The following IL2RA variants were observed in gnomAD, a reference collection of about 807,000 sequenced individuals.
IL2RA encodes interleukin-2 receptor subunit alpha.
In IL2RA, 24 loss-of-function variants were observed where a neutral mutation model predicts 37.8. The ratio of observed to expected loss-of-function variants is 0.63; its 90% CI spans 0.46 to 0.89. The LOEUF (loss-of-function observed/expected upper bound fraction) is 0.89, where lower values mean the gene tolerates loss of function less well. Among genes scored for constraint, IL2RA ranks in the 40% least tolerant of loss-of-function variants. IL2RA has a pLI of 0.00. For missense variants in IL2RA, 319 were observed against 348.6 expected (o/e 0.92, Z 0.68); for synonymous variants, 125 against 114.6 (o/e 1.09, Z -0.58).
intron 1 of IL2RA, among the ~76,000 whole-genome samples, chr10:6,034,442 ATT>A (rs12722530): frequency 6.7e-6 from 1 of 149,976 alleles, no homozygotes. Flanking sequence ...TAAATTTGGG[ATT>A]TTTTTTTTAG....
intron 1 of IL2RA, among the ~76,000 whole-genome samples, chr10:6,034,109 G>A (rs1839642745): frequency 6.6e-6 from 1 of 152,178 alleles, no homozygotes; most frequent in African/African-American, 2.4e-5. Context: ...TTCCATGAGA[G>A]TGCGTTTTTC....
chr10:6,049,718 C>T (rs1211544358), intron 1 of IL2RA, among the ~76,000 whole-genome samples: 2 of 152,250 alleles, frequency 1.3e-5, no homozygotes, highest in Admixed American at 1.3e-4. Flanking sequence ...CTCCCACCAC[C>T]TTGCTAGTGC....
Position 6,022,419 on chromosome 10 carries a change from G to A in IL2RA, c.368-726C>T, listed in dbSNP as rs1212752966. ...GACCTGTGGCCTGAGACCATGTCTTGTTCTGATTAAATCTCTGAATTCCCC... is the reference window on the plus strand; with the variant it reads ...GACCTGTGGCCTGAGACCATGTCTTATTCTGATTAAATCTCTGAATTCCCC... On this transcript the variant is annotated intron_variant, in intron 3 of 7. Coordinates refer to ENST00000379959, the MANE Select transcript of IL2RA (RefSeq NM_000417.3). This position sits in a 1 kb window ranked among gnomAD's most constrained non-coding sequence, Gnocchi z 4.7. Among the ~76,000 whole-genome samples, 2 of 152,270 alleles carry A rather than the reference G, an allele frequency of 1.3e-5. No individual in the cohort carries two copies. Among genetic ancestry groups the A allele is most frequent in the South Asian group, 2.1e-4 (1 of 4,820 alleles).
At chr10:6,041,885 C>G (rs906839743) in intron 1 of IL2RA, among the ~76,000 whole-genome samples, 38 of 151,840 alleles carry the variant, frequency 2.5e-4, no homozygotes, top group African/African-American at 8.7e-4. Flanking sequence ...ATAATCTTGA[C>G]CCTGTAAACA....
At chr10:6,049,667 CCTTTT>C (rs1320043037) in intron 1 of IL2RA, among the ~76,000 whole-genome samples, 1 of 152,216 alleles carries the variant, frequency 6.6e-6, no homozygotes, top group African/African-American at 2.4e-5. Flanking sequence ...GACTTTGCTC[CCTTTT>C]CTTTACACGG....
In IL2RA at chr10:6,028,833, A is replaced by G. The variant is rs1316252185; in HGVS notation, c.65-2808T>C. ...GCCAGCATGGTGACATCCCATCTAT[A>G]CTAAAAATACAAAAGATCAGCCGAG... On this transcript the variant is annotated intron_variant, in intron 1 of 7. Transcript: ENST00000379959. The surrounding 1 kb of genome is among the most constrained non-coding windows in gnomAD (Gnocchi z 4.1). 6.6e-6 allele frequency among the ~76,000 whole-genome samples: 1 copy of G among 152,120 alleles called. No homozygotes were observed. The highest frequency in any genetic ancestry group is 2.4e-5 in the African/African-American group (1 of 41,426).
Position 6,019,420 on chromosome 10 carries a change from C to T in IL2RA, c.727+8G>A. 6.2e-7 allele frequency: 1 copy of T among 1,600,160 alleles called. No individual in the cohort carries two copies. The highest frequency in any genetic ancestry group is 8.6e-7 in the Non-Finnish European group (1 of 1,167,154). ...ACATTTTGTCCACAAAGCCAGTGCC[C>T]CACTCACCTGCTACCTGGTACTCTG... On this transcript the variant is annotated splice_region_variant and intron_variant, in intron 6 of 7. Coordinates refer to ENST00000379959, the MANE Select transcript of IL2RA (RefSeq NM_000417.3).
rs1006361652 is a variant in IL2RA, at chr10:6,020,024, G to A, written c.584-83C>T. 4.5e-5 allele frequency: 54 copies of A among 1,199,202 alleles called. 1 individual carries two copies. The highest frequency in any genetic ancestry group is 8.5e-5 in the Admixed American group (5 of 58,904). 74.3% of individuals were successfully genotyped at this position (1,199,202 alleles called of 1,614,324 possible). On this transcript the variant is annotated intron_variant, in intron 4 of 7. Transcript: ENST00000379959. This position sits in a 1 kb window ranked among gnomAD's most constrained non-coding sequence, Gnocchi z 5.6. ...CCCACCCCGCCTGCCCCAGGCAGCC[G>A]GCCCCAGACACGCCCGAGGAGGCAG...
rs1308275167 is a variant in IL2RA, at chr10:6,029,351, G to T, written c.65-3326C>A. 3.9e-5 allele frequency among the ~76,000 whole-genome samples: 6 copies of T among 151,946 alleles called. No homozygotes were observed. The highest frequency in any genetic ancestry group is 7.4e-5 in the Non-Finnish European group (5 of 67,984). ...GGCTACTTTTTGTGTTTTTAGTAGA[G>T]ATGAGGTTTCACCACGTTTGCCAGG... On this transcript the variant is annotated intron_variant, in intron 1 of 7. Coordinates refer to ENST00000379959, the MANE Select transcript of IL2RA (RefSeq NM_000417.3). This position sits in a 1 kb window ranked among gnomAD's most constrained non-coding sequence, Gnocchi z 4.6.
intron 7 of IL2RA, chr10:6,017,237 G>A (rs1388075611): frequency 6.6e-6 from 1 of 152,266 alleles, no homozygotes; most frequent in Non-Finnish European, 1.5e-5. Flanking sequence ...ACCACACATG[G>A]TTTACATTCC....
chr10:6,059,345 C>T (rs796135933), intron 1 of IL2RA, among the ~76,000 whole-genome samples: 80 of 152,334 alleles, frequency 5.3e-4, no homozygotes, highest in African/African-American at 1.9e-3. Flanking sequence ...ACTCTCACTG[C>T]CTGTGCGAGT....
intron 1 of IL2RA, among the ~76,000 whole-genome samples, chr10:6,034,548 C>CA (rs12722529): frequency 0.46 from 69,380 of 151,938 alleles, 16,831 homozygotes; most frequent in African/African-American, 0.63. Flanking sequence ...ACAGTAATAA[C>CA]AGGAGGATTC....
In IL2RA at chr10:6,011,948, T is replaced by A. The variant is rs1196803612; in HGVS notation, c.*924A>T. ...CTTGCATAAACATTGAATGTACGGA[T>A]CCCTTTTTGGTGTTTTTAGACACTT... On this transcript the variant is annotated 3_prime_UTR_variant, in exon 8 of 8. Transcript: ENST00000379959. The surrounding 1 kb of genome is among the most constrained non-coding windows in gnomAD (Gnocchi z 5.2). The A allele has an allele frequency of 6.6e-6, 1 of 152,496 alleles. No individual in the cohort carries two copies. Among genetic ancestry groups the A allele is most frequent in the South Asian group, 2.1e-4 (1 of 4,824 alleles). 9.4% of individuals were successfully genotyped at this position (152,496 alleles called of 1,614,324 possible). A position where few individuals can be genotyped will look rare whatever the true frequency, so the allele number is the denominator to read the frequency against.
chr10:6,033,861 G>A lies in IL2RA; in HGVS notation c.65-7836C>T, dbSNP rs1437309926. 1.3e-5 allele frequency among the ~76,000 whole-genome samples: 2 copies of A among 152,196 alleles called. No homozygotes were observed. The highest frequency in any genetic ancestry group is 4.8e-5 in the African/African-American group (2 of 41,448). Reference sequence around the variant, plus strand: ...CACATTTGTCAAAACTCATCAAATTGTATGCCGCAGATCTATGCATTTCTT... The same window carrying A: ...CACATTTGTCAAAACTCATCAAATTATATGCCGCAGATCTATGCATTTCTT... On this transcript the variant is annotated intron_variant, in intron 1 of 7. Transcript: ENST00000379959. The surrounding 1 kb of genome is among the most constrained non-coding windows in gnomAD (Gnocchi z 4.3).
rs1429787931 is a variant in IL2RA at position 6,031,499 on chromosome 10, T to C, written c.65-5474A>G. Among the ~76,000 whole-genome samples the C allele has an allele frequency of 5.1e-3, 387 of 75,722 alleles. 9 individuals carry two copies. Among genetic ancestry groups the C allele is most frequent in the African/African-American group, 0.016 (353 of 21,732 alleles). 49.7% of individuals were successfully genotyped at this position (75,722 alleles called of 152,430 possible). ...ATATATATATATATATATATGTATA[T>C]ATATATATATATGTATATATATGTA... On this transcript the variant is annotated intron_variant, in intron 1 of 7. Coordinates refer to ENST00000379959, the MANE Select transcript of IL2RA (RefSeq NM_000417.3).
In IL2RA at chr10:6,018,529, GT is replaced by G. The variant is rs1435956055; in HGVS notation, c.728-411del. ...GCTGAGGTTTTGGAGGCTGACATTT[GT>G]TTACTTTCTAGGCAGATGCAGACTC... On this transcript the variant is annotated intron_variant, in intron 6 of 7. Coordinates refer to ENST00000379959, the MANE Select transcript of IL2RA (RefSeq NM_000417.3). This position sits in a 1 kb window ranked among gnomAD's most constrained non-coding sequence, Gnocchi z 5.1. 3.3e-5 allele frequency among the ~76,000 whole-genome samples: 5 copies of G among 152,168 alleles called. No individual in the cohort carries two copies. The highest frequency in any genetic ancestry group is 1.2e-4 in the African/African-American group (5 of 41,432).
At chr10:6,061,515 T>C (rs1012714069) in intron 1 of IL2RA, among the ~76,000 whole-genome samples, 1 of 152,102 alleles carries the variant, frequency 6.6e-6, no homozygotes, top group Admixed American at 6.6e-5. Context: ...TAAAAGTGAG[T>C]ATGCATATTT....
chr10:6,019,300 C>CT (rs1404052213), intron 6 of IL2RA, 128 bp downstream of exon 6: 8 of 790,368 alleles, frequency 1.0e-5, no homozygotes, highest in Non-Finnish European at 1.9e-5. Flanking sequence ...GCCAACCTAC[C>CT]TATCAACCTA....
chr10:6,056,487 C>T lies in IL2RA; in HGVS notation c.64+5601G>A, dbSNP rs542221883. ...CTCTTTTCAGCTGGGCACAGTGGCT[C>T]ATGCCTGTAATCCCAGCACTTTGGA... On this transcript the variant is annotated intron_variant, in intron 1 of 7. Transcript: ENST00000379959. The surrounding 1 kb of genome is among the most constrained non-coding windows in gnomAD (Gnocchi z 5.0). 3.9e-5 allele frequency among the ~76,000 whole-genome samples: 6 copies of T among 152,304 alleles called. No homozygotes were observed. Among genetic ancestry groups the T allele is most frequent in the Admixed American group, 3.3e-4 (5 of 15,302 alleles).
Sources: gnomAD v4.1 joint callset for allele counts (sites outside exome capture counted in the v4.1 genomes callset) on GRCh38, gnomAD v4.1.1 for gene constraint, Gnocchi (gnomAD v3.1) non-coding constraint, MANE v1.5 for transcripts, NCBI Gene and HGNC (gene_info 2026-07-23, HGNC 2026-07-21) for gene names.